Variants in CPN1 observed in about 807,000 individuals in gnomAD.
The protein encoded by CPN1 is carboxypeptidase N subunit 1, also known as carboxypeptidase N catalytic chain.
In CPN1, 37 loss-of-function variants were observed where a neutral mutation model predicts 46.4. The ratio of observed to expected loss-of-function variants is 0.80; its 90% CI spans 0.61 to 1.05. The LOEUF (loss-of-function observed/expected upper bound fraction) is 1.05. CPN1 is among the 50% of genes least tolerant of loss of function. The pLI is 0.00. For synonymous variants in CPN1, 224 were observed against 235.4 expected (o/e 0.95, Z 0.44); for missense variants, 563 against 602.6 (o/e 0.93, Z 0.69).
At chr10:100,078,767 C>T (rs1018323338) in intron 1 of CPN1, among the ~76,000 whole-genome samples, 1 of 152,216 alleles carries the variant, frequency 6.6e-6, no homozygotes, top group African/African-American at 2.4e-5. Context: ...ATCGTCTCCC[C>T]CTTCTGCTTA....
At chr10:100,071,701 T>C (rs1041011806) in intron 2 of CPN1, among the ~76,000 whole-genome samples, 19 of 152,212 alleles carry the variant, frequency 1.2e-4, no homozygotes, top group African/African-American at 4.6e-4. Context: ...GTACATACTT[T>C]TTTCTTGTCA....
intron 5 of CPN1, among the ~76,000 whole-genome samples, chr10:100,062,112 G>A (rs550472680): frequency 6.6e-6 from 1 of 152,196 alleles, no homozygotes; most frequent in Non-Finnish European, 1.5e-5. Context: ...CACCAACTCA[G>A]TTCTCACCAA....
chr10:100,062,597 CT>C (rs66611005), intron 5 of CPN1, among the ~76,000 whole-genome samples: 146 of 141,746 alleles, frequency 1.0e-3, no homozygotes, highest in East Asian at 1.4e-3. Context: ...AGTATTCTTT[CT>C]TTTTTTTTTT....
chr10:100,049,558 C>G (rs908228304), intron 7 of CPN1, among the ~76,000 whole-genome samples: 1 of 152,064 alleles, frequency 6.6e-6, no homozygotes, highest in Non-Finnish European at 1.5e-5. Flanking sequence ...CCACCGAGCC[C>G]GGCCGTCTTT....
chr10:100,066,519 A>G (rs565019571), intron 3 of CPN1, among the ~76,000 whole-genome samples: 1 of 152,368 alleles, frequency 6.6e-6, no homozygotes, highest in South Asian at 2.1e-4. Context: ...TGGGTTAGAC[A>G]TACTGTCAGA....
chr10:100,058,155 C>G (rs1354360100), intron 5 of CPN1, among the ~76,000 whole-genome samples: 1 of 152,156 alleles, frequency 6.6e-6, no homozygotes, highest in Non-Finnish European at 1.5e-5. Flanking sequence ...CCCCTTTTGT[C>G]ATCTTCATCC....
rs2041375051 is a variant in CPN1 at position 100,054,717 on chromosome 10, T to C, written c.1012-271A>G. ...TCACTTTGAGCAAAAGCTAAAGTTC[T>C]TGTGATGGTCTGTCTGTAAAGCTAC... On this transcript the variant is annotated intron_variant, in intron 6 of 8. Coordinates refer to ENST00000370418, the MANE Select transcript of CPN1 (RefSeq NM_001308.3). Among the ~76,000 whole-genome samples the C allele has an allele frequency of 2.0e-5, 3 of 152,136 alleles. No individual in the cohort carries two copies. In the South Asian group the frequency reaches 6.2e-4, roughly 31 times the overall value.
Position 100,069,786 on chromosome 10 carries a change from G to A in CPN1, c.504C>T (p.Thr168=), listed in dbSNP as rs1174672147. The A allele has an allele frequency of 6.2e-7, 1 of 1,613,862 alleles. No homozygotes were observed. Among genetic ancestry groups the A allele is most frequent in the Admixed American group, 1.7e-5 (1 of 59,950 alleles). The change falls in exon 3 of 9, where the codon ACC becomes ACT. Residue 168 remains threonine (T), a synonymous_variant. Coordinates refer to ENST00000370418, the MANE Select transcript of CPN1 (RefSeq NM_001308.3). The part of the protein sequence containing the change: ...DLNRNFPDLN[T]YIYYNEKYGG... ...CGTACTTCTCGTTATAGTAGATATA[G>A]GTATTGAGATCAGGGAAGTTGCGGT...
At chr10:100,067,910 T>C (rs1280364354) in intron 3 of CPN1, among the ~76,000 whole-genome samples, 1 of 151,844 alleles carries the variant, frequency 6.6e-6, no homozygotes, top group Non-Finnish European at 1.5e-5. Context: ...TCCCAGCACT[T>C]TGGGAGGCTG....
chr10:100,059,201 A>G (rs2041403278), intron 5 of CPN1, among the ~76,000 whole-genome samples: 1 of 152,190 alleles, frequency 6.6e-6, no homozygotes, highest in Non-Finnish European at 1.5e-5. Context: ...ACTTCATGAA[A>G]ATGGAAAAAT....
In CPN1 at chr10:100,069,745, T is replaced by A. The variant is rs767625237; in HGVS notation, c.545A>T (p.His182Leu). ...YNEKYGGPNHHLPLPDNWKSQ... is the reference protein window; with the variant it reads ...YNEKYGGPNHLLPLPDNWKSQ... ...TTTCCAGTTGTCTGGAAGGGGCAGG[T>A]GGTGGTTGGGGCCTCCGTACTTCTC... The change falls in exon 3 of 9, where the codon CAC (histidine) becomes CTC (leucine). Residue 182 changes from histidine (H) to leucine (L), a missense_variant. By Grantham distance (99) the His-to-Leu change is moderately conservative. Coordinates refer to ENST00000370418, the MANE Select transcript of CPN1 (RefSeq NM_001308.3). The A allele has an allele frequency of 1.9e-6, 3 of 1,613,786 alleles. No homozygotes were observed. Among genetic ancestry groups the A allele is most frequent in the Non-Finnish European group, 2.5e-6 (3 of 1,180,006 alleles).
chr10:100,077,664 A>C, intron 1 of CPN1, among the ~76,000 whole-genome samples: 1 of 152,210 alleles, frequency 6.6e-6, no homozygotes, highest in South Asian at 2.1e-4. Context: ...TCTCAAAGGA[A>C]TGCTTATAAT....
chr10:100,079,380 T>C (rs1017452236), intron 1 of CPN1, among the ~76,000 whole-genome samples: 1 of 152,250 alleles, frequency 6.6e-6, no homozygotes, highest in Admixed American at 6.5e-5. Flanking sequence ...AATGGGTGAA[T>C]AGCAGTTATA....
intron 8 of CPN1, among the ~76,000 whole-genome samples, chr10:100,046,158 C>T: frequency 6.6e-6 from 1 of 152,180 alleles, no homozygotes; most frequent in Non-Finnish European, 1.5e-5. Context: ...CTTTTTGCGG[C>T]ATGAGTGGAA....
intron 7 of CPN1, among the ~76,000 whole-genome samples, chr10:100,050,827 T>A (rs2041347641): frequency 6.6e-6 from 1 of 152,240 alleles, no homozygotes; most frequent in South Asian, 2.1e-4. Flanking sequence ...GATGGAGGTC[T>A]TGCTATGTTG....
At chr10:100,042,645 C>T (rs2041282543) in intron 8 of CPN1, 72 bp from the exon 9 acceptor site, 1 of 1,590,690 alleles carries the variant, frequency 6.3e-7, no homozygotes, top group Admixed American at 1.7e-5. Context: ...TTTCTGAGGG[C>T]TGGGTACTAG....
chr10:100,075,525 A>G (rs957940721), intron 2 of CPN1, among the ~76,000 whole-genome samples: 1 of 152,232 alleles, frequency 6.6e-6, no homozygotes, highest in Non-Finnish European at 1.5e-5. Flanking sequence ...AAAGAAAGGT[A>G]TGTAGGGTTT....
chr10:100,078,064 G>C (rs1460850220), intron 1 of CPN1, among the ~76,000 whole-genome samples: 1 of 151,242 alleles, frequency 6.6e-6, no homozygotes, highest in Non-Finnish European at 1.5e-5. Flanking sequence ...TTTTAATTTA[G>C]AGACAGGGTC....
At chr10:100,061,498 T>C (rs973159649) in intron 5 of CPN1, among the ~76,000 whole-genome samples, 2 of 152,254 alleles carry the variant, frequency 1.3e-5, no homozygotes, top group Admixed American at 6.5e-5. Context: ...ATTCAGTAGG[T>C]ACGAGGTGGG....
Sources: allele counts gnomAD v4.1 joint callset (sites outside exome capture counted in the v4.1 genomes callset), GRCh38; gene constraint gnomAD v4.1.1; transcripts MANE v1.5; gene names NCBI Gene and HGNC (gene_info 2026-07-23, HGNC 2026-07-21).